ST6GALNAC3: variants seen among roughly 807,000 people sequenced by gnomAD.
The protein encoded by ST6GALNAC3 is ST6 N-acetylgalactosaminide alpha-2,6-sialyltransferase 3.
In ST6GALNAC3, 25 loss-of-function variants were observed where a neutral mutation model predicts 32.7. That is an observed-to-expected ratio of 0.76 (90% confidence interval 0.56 to 1.07). ST6GALNAC3 has a LOEUF of 1.07. ST6GALNAC3 is among the 50% of genes least tolerant of loss of function. The pLI is 0.00. For missense variants in ST6GALNAC3, 355 were observed against 382.4 expected, an observed-to-expected ratio of 0.93 and a Z score of 0.60; for synonymous variants, 129 against 133.1, an observed-to-expected ratio of 0.97 and a Z score of 0.21.
intron 1 of ST6GALNAC3, among the ~76,000 whole-genome samples, chr1:76,262,375 T>A (rs557920537): frequency 6.6e-6 from 1 of 152,344 alleles, no homozygotes; most frequent in Admixed American, 6.5e-5. Flanking sequence ...TTTATTGGAC[T>A]CTGTTCATAT....
At chr1:76,286,824 G>A (rs1239618595) in intron 1 of ST6GALNAC3, among the ~76,000 whole-genome samples, 1 of 152,228 alleles carries the variant, frequency 6.6e-6, no homozygotes, top group Non-Finnish European at 1.5e-5. Context: ...ATTGAAGCAT[G>A]AGGACCTTGT....
chr1:76,342,598 A>G (rs1168250854), intron 2 of ST6GALNAC3, among the ~76,000 whole-genome samples: 2 of 150,066 alleles, frequency 1.3e-5, no homozygotes, highest in Non-Finnish European at 3.0e-5. Flanking sequence ...TAGATTCTGG[A>G]TATTAGCCCT....
intron 1 of ST6GALNAC3, among the ~76,000 whole-genome samples, chr1:76,279,697 T>C (rs538532491): frequency 1.2e-4 from 19 of 152,294 alleles, no homozygotes; most frequent in Non-Finnish European, 2.5e-4. Flanking sequence ...AGCCACTTCG[T>C]CAGGAGGGCT....
intron 3 of ST6GALNAC3, among the ~76,000 whole-genome samples, chr1:76,454,243 T>C (rs1327491260): frequency 2.0e-5 from 3 of 152,156 alleles, no homozygotes; most frequent in Non-Finnish European, 4.4e-5. Flanking sequence ...CTGCCACTCT[T>C]TACCTTTTAT....
intron 1 of ST6GALNAC3, among the ~76,000 whole-genome samples, chr1:76,277,090 C>T (rs978147526): frequency 1.3e-5 from 2 of 152,074 alleles, no homozygotes; most frequent in African/African-American, 4.8e-5. Context: ...AATATCTTCT[C>T]CCAATTTGCA....
chr1:76,155,226 C>T (rs938628280), intron 1 of ST6GALNAC3, among the ~76,000 whole-genome samples: 8 of 152,052 alleles, frequency 5.3e-5, no homozygotes, highest in Admixed American at 3.3e-4. Context: ...AACCTAAATT[C>T]CCACAGGAAG....
chr1:76,627,441 A>G lies in ST6GALNAC3; in HGVS notation c.624-11A>G. The G allele has an allele frequency of 1.3e-6, 2 of 1,573,800 alleles. No homozygotes were observed. Among genetic ancestry groups the G allele is most frequent in the Non-Finnish European group, 1.7e-6 (2 of 1,144,854 alleles). The stretch of plus-strand genomic sequence containing the variant: ...GTTCTGTTTGTTATTGTTTGTTTTC[A>G]TTTCCCTCAGAGTCCAGTCTGGCTC... On this transcript the variant is annotated splice_polypyrimidine_tract_variant and intron_variant, in intron 3 of 4. Transcript: ENST00000328299.
chr1:76,168,121 T>C (rs1446307226), intron 1 of ST6GALNAC3, among the ~76,000 whole-genome samples: 1 of 152,214 alleles, frequency 6.6e-6, no homozygotes, highest in Non-Finnish European at 1.5e-5. Flanking sequence ...TGTAGTCATT[T>C]AGTGCTATAA....
intron 3 of ST6GALNAC3, among the ~76,000 whole-genome samples, chr1:76,498,584 G>A (rs1660996128): frequency 6.6e-6 from 1 of 152,114 alleles, no homozygotes; most frequent in Non-Finnish European, 1.5e-5. Flanking sequence ...TAATTCGAGA[G>A]TTTATTTTAG....
intron 2 of ST6GALNAC3, among the ~76,000 whole-genome samples, chr1:76,372,465 G>T (rs1650906401): frequency 6.6e-6 from 1 of 151,910 alleles, no homozygotes; most frequent in African/African-American, 2.4e-5. Context: ...GGGTCTGTTA[G>T]TATATTTTAT....
At chr1:76,308,968 A>C (rs185343359) in intron 1 of ST6GALNAC3, among the ~76,000 whole-genome samples, 5 of 152,256 alleles carry the variant, frequency 3.3e-5, no homozygotes, top group Non-Finnish European at 5.9e-5. Context: ...AAATGACTTC[A>C]AGTTTTCTGA....
At chr1:76,126,300 C>T (rs912852328) in intron 1 of ST6GALNAC3, among the ~76,000 whole-genome samples, 1 of 152,138 alleles carries the variant, frequency 6.6e-6, no homozygotes, top group Non-Finnish European at 1.5e-5. Flanking sequence ...CACTCATTAA[C>T]CTTAGGCCCC....
intron 3 of ST6GALNAC3, among the ~76,000 whole-genome samples, chr1:76,585,704 T>C (rs907801305): frequency 6.6e-6 from 1 of 152,212 alleles, no homozygotes; most frequent in African/African-American, 2.4e-5. Flanking sequence ...TCTAATCTTA[T>C]TGCTCTTCCC....
In ST6GALNAC3 at chr1:76,096,520, G is replaced by C. The variant is rs192833489; in HGVS notation, c.18+21636G>C. Among the ~76,000 whole-genome samples the C allele has an allele frequency of 3.6e-4, 54 of 151,880 alleles. 2 individuals carry two copies. The East Asian group carries it at 9.5e-3, about 27-fold the overall frequency. On this transcript the variant is annotated intron_variant, in intron 1 of 4. Coordinates refer to ENST00000328299, the MANE Select transcript of ST6GALNAC3 (RefSeq NM_152996.4). ...AATTGGCTTTTCAGTCCTTCACGCT[G>C]TAAAGCCCCCTTCTTTTAAGACATT...
intron 2 of ST6GALNAC3, among the ~76,000 whole-genome samples, chr1:76,317,106 G>A (rs965642794): frequency 6.6e-6 from 1 of 152,026 alleles, no homozygotes; most frequent in Non-Finnish European, 1.5e-5. Context: ...ACACTCAAAG[G>A]GAATGACAGA....
At chr1:76,519,589 T>C (rs1193269631) in intron 3 of ST6GALNAC3, among the ~76,000 whole-genome samples, 1 of 152,170 alleles carries the variant, frequency 6.6e-6, no homozygotes, top group Non-Finnish European at 1.5e-5. Flanking sequence ...AGTGCAGCTC[T>C]ACATCACGAA....
intron 2 of ST6GALNAC3, among the ~76,000 whole-genome samples, chr1:76,381,337 A>T (rs747260319): frequency 1.1e-4 from 16 of 152,176 alleles, no homozygotes; most frequent in Non-Finnish European, 1.9e-4. Context: ...TATAGACAAC[A>T]TTTGGAATTT....
intron 2 of ST6GALNAC3, among the ~76,000 whole-genome samples, chr1:76,352,982 C>T (rs192438350): frequency 6.6e-6 from 1 of 152,214 alleles, no homozygotes; most frequent in Non-Finnish European, 1.5e-5. Context: ...TCTGCTGTCA[C>T]CTACATTCTC....
At chr1:76,494,649 GCACACA>G (rs35632611) in intron 3 of ST6GALNAC3, among the ~76,000 whole-genome samples, 15 of 67,720 alleles carry the variant, frequency 2.2e-4, no homozygotes, top group African/African-American at 5.2e-4. Flanking sequence ...ATGTGTATGC[GCACACA>G]CACACACACA....
Sources: gnomAD v4.1 joint callset for allele counts (sites outside exome capture counted in the v4.1 genomes callset) on GRCh38, gnomAD v4.1.1 for gene constraint, MANE v1.5 for transcripts, NCBI Gene and HGNC (gene_info 2026-07-23, HGNC 2026-07-21) for gene names.